Variants in TMEM178A observed in about 807,000 individuals in gnomAD.
TMEM178A encodes transmembrane protein 178.
Under a neutral mutation model 29.1 loss-of-function variants are expected in TMEM178A, and 12 were observed. That is an observed-to-expected ratio of 0.41 (90% CI 0.26 to 0.67). TMEM178A has a LOEUF of 0.67. TMEM178A is among the 30% of genes least tolerant of loss of function. The probability of loss-of-function intolerance (pLI) is 0.29; values close to 1 mark genes in which losing one functional copy is unlikely to be tolerated. For synonymous variants in TMEM178A, 210 were observed against 187.2 expected, an observed-to-expected ratio of 1.12 and a Z score of -0.99; for missense variants, 366 against 419.1, an observed-to-expected ratio of 0.87 and a Z score of 1.11.
At chr2:39,678,590 G>A (rs1319085391) in intron 1 of TMEM178A, among the ~76,000 whole-genome samples, 1 of 152,100 alleles carries the variant, frequency 6.6e-6, no homozygotes, top group African/African-American at 2.4e-5. Flanking sequence ...ATGGGTAAGT[G>A]ATTTTCTTTT....
At chr2:39,687,594 A>G (rs569441814) in intron 1 of TMEM178A, among the ~76,000 whole-genome samples, 1 of 152,278 alleles carries the variant, frequency 6.6e-6, no homozygotes, top group South Asian at 2.1e-4. Context: ...AGCTCCAGTC[A>G]GGTGTTCAGG....
At chr2:39,702,750 T>C (rs1338821803) in intron 1 of TMEM178A, among the ~76,000 whole-genome samples, 2 of 151,896 alleles carry the variant, frequency 1.3e-5, no homozygotes, top group Non-Finnish European at 2.9e-5. Flanking sequence ...AAAAAAAGCT[T>C]CCAAAAATCA....
the TMEM178A span, among the ~76,000 whole-genome samples, chr2:39,724,195 ATTT>A: frequency 6.6e-6 from 1 of 152,060 alleles, no homozygotes; most frequent in Non-Finnish European, 1.5e-5. Flanking sequence ...AAAGATCTCT[ATTT>A]AAGTGGGTAT....
intron 1 of TMEM178A, among the ~76,000 whole-genome samples, chr2:39,696,538 G>C (rs796525200): frequency 6.6e-6 from 1 of 152,094 alleles, no homozygotes. Context: ...TTTTACAGAC[G>C]AGGGAACCAA....
chr2:39,708,544 G>A (rs1201128723), intron 3 of TMEM178A, among the ~76,000 whole-genome samples: 9 of 143,492 alleles, frequency 6.3e-5, no homozygotes, highest in South Asian at 2.3e-4. Flanking sequence ...TCAGCCTCCC[G>A]TGTAGCTGGG....
chr2:39,706,908 C>G, intron 2 of TMEM178A, 141 bp from the exon 3 acceptor site: 2 of 924,268 alleles, frequency 2.2e-6, no homozygotes, highest in Non-Finnish European at 3.2e-6. Flanking sequence ...AGAGTATTCC[C>G]TATGCCTCCT....
chr2:39,710,395 A>G (rs1672250984), intron 3 of TMEM178A, among the ~76,000 whole-genome samples: 1 of 152,272 alleles, frequency 6.6e-6, no homozygotes, highest in Non-Finnish European at 1.5e-5. Context: ...CCTTTTTTCA[A>G]TATTTCCTTT....
At chr2:39,708,612 T>C (rs1456943106) in intron 3 of TMEM178A, among the ~76,000 whole-genome samples, 1 of 150,426 alleles carries the variant, frequency 6.6e-6, no homozygotes, top group Non-Finnish European at 1.5e-5. Flanking sequence ...AGAGACGGGG[T>C]TTCACCGTGT....
the TMEM178A span, among the ~76,000 whole-genome samples, chr2:39,730,628 TC>T: frequency 6.6e-6 from 1 of 152,158 alleles, no homozygotes; most frequent in Non-Finnish European, 1.5e-5. Context: ...GTGTGGTCGT[TC>T]GTTCTAACGT....
chr2:39,708,409 A>ATTTTTT (rs956611778), intron 3 of TMEM178A, among the ~76,000 whole-genome samples: 5 of 69,702 alleles, frequency 7.2e-5, no homozygotes, highest in Non-Finnish European at 1.3e-4. Flanking sequence ...GAGTGACTTG[A>ATTTTTT]TTTTTTTTTT....
the TMEM178A span, among the ~76,000 whole-genome samples, chr2:39,730,652 C>G: frequency 5.3e-5 from 8 of 152,134 alleles, no homozygotes; most frequent in Admixed American, 1.3e-4. Flanking sequence ...CTGATCTTTC[C>G]ATGAGATGGA....
chr2:39,728,654 C>T, the TMEM178A span, among the ~76,000 whole-genome samples: 1 of 151,796 alleles, frequency 6.6e-6, no homozygotes, highest in African/African-American at 2.4e-5. Context: ...CAAAGTACAC[C>T]GAGATCATTA....
At chr2:39,701,008 T>G (rs1671756490) in intron 1 of TMEM178A, among the ~76,000 whole-genome samples, 1 of 152,122 alleles carries the variant, frequency 6.6e-6, no homozygotes, top group South Asian at 2.1e-4. Flanking sequence ...ATTACATGTT[T>G]ATACACTGTA....
intron 3 of TMEM178A, among the ~76,000 whole-genome samples, chr2:39,708,017 C>T (rs1672115259): frequency 6.6e-6 from 1 of 152,214 alleles, no homozygotes. Flanking sequence ...GCTAAAGACA[C>T]ACAATGAATA....
intron 1 of TMEM178A, chr2:39,687,225 C>T (rs1671118214): frequency 6.0e-6 from 1 of 166,738 alleles, no homozygotes; most frequent in Non-Finnish European, 1.5e-5. Context: ...ATTTTAGGGT[C>T]AAGCACCTGA....
At chr2:39,678,282 A>G (rs72803166) in intron 1 of TMEM178A, among the ~76,000 whole-genome samples, 5,309 of 152,344 alleles carry the variant, frequency 0.035, 136 homozygotes, top group Non-Finnish European at 0.056. Context: ...CTGTACATAA[A>G]TGTTCACAAC....
At position 39,717,205 on chromosome 2, in the gene TMEM178A, G is replaced by T; in HGVS notation, c.848G>T (p.Arg283Leu). 1 of 1,613,214 alleles carries T rather than the reference G, an allele frequency of 6.2e-7. No individual in the cohort carries two copies. Among genetic ancestry groups the T allele is most frequent in the African/African-American group, 1.3e-5 (1 of 74,608 alleles). The change falls in exon 4 of 4, where the codon CGG becomes CTG. Residue 283 changes from arginine to leucine, a missense_variant. This residue lies in a region of TMEM178A where 119 missense variants were observed against 172.2 expected (regional missense o/e 0.69). Transcript: ENST00000281961. ...TGCATCGCTTATCCGTTTATTAGCC[G>T]GACCAAGATTGCACAGCTAAAGTCT... Reference protein sequence around the residue: ...GLCIAYPFISRTKIAQLKSGR... With the variant: ...GLCIAYPFISLTKIAQLKSGR...
intron 1 of TMEM178A, among the ~76,000 whole-genome samples, chr2:39,696,262 G>A (rs1572675567): frequency 2.0e-5 from 3 of 152,134 alleles, no homozygotes; most frequent in Non-Finnish European, 4.4e-5. Flanking sequence ...GCTGTTGGTT[G>A]GGCCATTGTT....
chr2:39,722,135 A>G (rs1282854123), downstream of TMEM178A, among the ~76,000 whole-genome samples: 10 of 152,086 alleles, frequency 6.6e-5, no homozygotes, highest in East Asian at 1.2e-3. Flanking sequence ...TTGTGCCTGG[A>G]TGGAGAGGGT....
Sources: allele counts gnomAD v4.1 joint callset (sites outside exome capture counted in the v4.1 genomes callset), GRCh38; gene constraint gnomAD v4.1.1; regional missense constraint gnomAD v4.1.1; transcripts MANE v1.5; gene names NCBI Gene and HGNC (gene_info 2026-07-23, HGNC 2026-07-21).